NCKAP5: variants seen among roughly 807,000 people sequenced by gnomAD.
The protein encoded by NCKAP5 is NCK associated protein 5.
In NCKAP5, 92 loss-of-function variants were observed where a neutral mutation model predicts 167.0. The observed-to-expected ratio is 0.55, with a 90% CI of 0.47 to 0.66. The LOEUF (loss-of-function observed/expected upper bound fraction) is 0.66, where lower values mean the gene tolerates loss of function less well. NCKAP5 is among the 30% of genes least tolerant of loss of function. The pLI, the probability that NCKAP5 is intolerant of heterozygous loss-of-function variation, is 0.00. For missense variants in NCKAP5, 2,378 were observed against 2,315.0 expected (o/e 1.03, Z -0.56); for synonymous variants, 891 against 877.4 (o/e 1.02, Z -0.27).
intron 6 of NCKAP5, among the ~76,000 whole-genome samples, chr2:133,035,079 T>C (rs1318372020): frequency 6.6e-6 from 1 of 151,912 alleles, no homozygotes; most frequent in Non-Finnish European, 1.5e-5. Flanking sequence ...AGATATTCCA[T>C]GCCAAAGGAA....
intron 3 of NCKAP5, among the ~76,000 whole-genome samples, chr2:133,358,034 C>T (rs991341317): frequency 7.2e-5 from 11 of 152,164 alleles, no homozygotes; most frequent in Non-Finnish European, 1.6e-4. Flanking sequence ...CACCTGTCTT[C>T]CCCTTGTGAC....
intron 5 of NCKAP5, among the ~76,000 whole-genome samples, chr2:133,178,850 A>C (rs948344244): frequency 2.0e-5 from 3 of 151,018 alleles, no homozygotes; most frequent in Non-Finnish European, 4.4e-5. Flanking sequence ...AAAAAAAAAA[A>C]AAACCCAGGT....
At chr2:133,362,667 T>C (rs1685190374) in intron 3 of NCKAP5, among the ~76,000 whole-genome samples, 1 of 152,194 alleles carries the variant, frequency 6.6e-6, no homozygotes, top group South Asian at 2.1e-4. Context: ...AAACTCCCAT[T>C]CATATCTTTT....
intron 6 of NCKAP5, among the ~76,000 whole-genome samples, chr2:133,128,877 C>T (rs150173522): frequency 3.3e-4 from 50 of 151,818 alleles, no homozygotes; most frequent in African/African-American, 1.2e-3. Context: ...GAATTACAGG[C>T]GTGAACCACT....
intron 19 of NCKAP5, among the ~76,000 whole-genome samples, chr2:132,722,801 T>G (rs996392240): frequency 6.7e-6 from 1 of 150,314 alleles, no homozygotes; most frequent in Non-Finnish European, 1.5e-5. Context: ...CAGTGAATTG[T>G]ATTATGTTTT....
chr2:133,391,025 C>T (rs926745247), intron 3 of NCKAP5: 2 of 152,172 alleles, frequency 1.3e-5, no homozygotes, highest in African/African-American at 4.8e-5. Flanking sequence ...GTAGATGGAG[C>T]CTTCTTTGAT....
At chr2:132,941,501 C>T (rs1272694448) in intron 8 of NCKAP5, among the ~76,000 whole-genome samples, 1 of 152,022 alleles carries the variant, frequency 6.6e-6, no homozygotes, top group Non-Finnish European at 1.5e-5. Flanking sequence ...TCCACTGGGG[C>T]GGCAGAACTG....
At chr2:133,462,175 G>C (rs1692239846) in intron 3 of NCKAP5, among the ~76,000 whole-genome samples, 1 of 152,114 alleles carries the variant, frequency 6.6e-6, no homozygotes, top group African/African-American at 2.4e-5. Flanking sequence ...TTCCTTGTTG[G>C]TATCTTCCAG....
chr2:133,215,225 T>C (rs1382439027), intron 4 of NCKAP5, among the ~76,000 whole-genome samples: 2 of 152,152 alleles, frequency 1.3e-5, no homozygotes. Context: ...GTGTGTTCTC[T>C]GACTCAAGTT....
chr2:133,293,731 G>T (rs1574624638), intron 4 of NCKAP5, among the ~76,000 whole-genome samples: 1 of 152,108 alleles, frequency 6.6e-6, no homozygotes, highest in Admixed American at 6.5e-5. Context: ...CGAGAGCCCT[G>T]GTTTCATCTC....
intron 3 of NCKAP5, among the ~76,000 whole-genome samples, chr2:133,485,289 C>G (rs560829015): frequency 2.0e-5 from 3 of 152,230 alleles, no homozygotes; most frequent in South Asian, 2.1e-4. Flanking sequence ...CTTTCCTCCC[C>G]CCGACAGCAC....
At chr2:132,933,133 G>T (rs1696561373) in intron 8 of NCKAP5, among the ~76,000 whole-genome samples, 1 of 151,954 alleles carries the variant, frequency 6.6e-6, no homozygotes. Flanking sequence ...CACCGTGTTA[G>T]CCAGGATGGT....
At chr2:133,270,600 C>G (rs1266843833) in intron 4 of NCKAP5, among the ~76,000 whole-genome samples, 2 of 152,204 alleles carry the variant, frequency 1.3e-5, no homozygotes, top group Non-Finnish European at 2.9e-5. Flanking sequence ...ACTTAAGCAA[C>G]AAAAGTACTG....
At chr2:133,206,790 T>G (rs908759697) in intron 5 of NCKAP5, among the ~76,000 whole-genome samples, 9 of 152,122 alleles carry the variant, frequency 5.9e-5, no homozygotes, top group African/African-American at 1.9e-4. Flanking sequence ...TGAATTCTCT[T>G]CCCAGCAAGG....
chr2:133,306,690 T>C (rs1196827559), intron 3 of NCKAP5, among the ~76,000 whole-genome samples: 2 of 152,238 alleles, frequency 1.3e-5, no homozygotes, highest in Non-Finnish European at 2.9e-5. Context: ...TATTTATTGC[T>C]GTCCTGTGAT....
chr2:132,920,243 C>T (rs1695207794), intron 8 of NCKAP5, among the ~76,000 whole-genome samples: 1 of 152,068 alleles, frequency 6.6e-6, no homozygotes, highest in Non-Finnish European at 1.5e-5. Context: ...CTCAGTTTCA[C>T]CATTTCAATC....
At chr2:133,528,398 T>C (rs1002026899) in intron 2 of NCKAP5, among the ~76,000 whole-genome samples, 3 of 151,954 alleles carry the variant, frequency 2.0e-5, no homozygotes, top group African/African-American at 4.8e-5. Flanking sequence ...AGGAGTTCTA[T>C]GGATATTTGG....
chr2:132,745,216 T>C (rs1679536574), intron 16 of NCKAP5, among the ~76,000 whole-genome samples: 1 of 151,854 alleles, frequency 6.6e-6, no homozygotes, highest in Admixed American at 6.6e-5. Flanking sequence ...TAATAATTGA[T>C]TTGCTATTAA....
At chr2:133,469,903 T>C (rs955473380) in intron 3 of NCKAP5, among the ~76,000 whole-genome samples, 86 of 149,350 alleles carry the variant, frequency 5.8e-4, no homozygotes, top group African/African-American at 2.1e-3. Context: ...ATTCTAGTCA[T>C]ACATTCTTCT....
Sources: gnomAD v4.1 joint callset for allele counts (sites outside exome capture counted in the v4.1 genomes callset) on GRCh38, gnomAD v4.1.1 for gene constraint, MANE v1.5 for transcripts, NCBI Gene and HGNC (gene_info 2026-07-23, HGNC 2026-07-21) for gene names.